The following RIMS2 variants were observed in gnomAD, a reference collection of about 807,000 sequenced individuals.
RIMS2 encodes regulating synaptic membrane exocytosis protein 2.
Under a neutral mutation model 174.4 loss-of-function variants are expected in RIMS2, and 59 were observed. The observed-to-expected ratio is 0.34, with a 90% confidence interval of 0.27 to 0.42. The LOEUF (loss-of-function observed/expected upper bound fraction) is 0.42, where lower values mean the gene tolerates loss of function less well. Ranked by LOEUF, RIMS2 falls within the 10% of genes least tolerant of loss-of-function variation. The probability of loss-of-function intolerance (pLI) is 1.00; values close to 1 mark genes in which losing one functional copy is unlikely to be tolerated. For missense variants in RIMS2, 1,620 were observed against 1,666.3 expected, an observed-to-expected ratio of 0.97 and a Z score of 0.48; for synonymous variants, 606 against 572.5, an observed-to-expected ratio of 1.06 and a Z score of -0.84.
intron 3 of RIMS2, among the ~76,000 whole-genome samples, chr8:103,881,920 A>C (rs1004554384): frequency 2.0e-5 from 3 of 151,494 alleles, no homozygotes; most frequent in African/African-American, 7.2e-5. Flanking sequence ...AGAAATAAGG[A>C]TAATAGAATG....
intron 16 of RIMS2, among the ~76,000 whole-genome samples, chr8:103,985,710 A>T (rs1030694445): frequency 3.9e-5 from 6 of 152,154 alleles, no homozygotes; most frequent in African/African-American, 1.4e-4. Flanking sequence ...AACAGAATTG[A>T]TATGGAATGA....
At chr8:104,056,480 AG>A (rs1283750097) in intron 19 of RIMS2, among the ~76,000 whole-genome samples, 3 of 152,182 alleles carry the variant, frequency 2.0e-5, no homozygotes, top group African/African-American at 7.2e-5. Flanking sequence ...TTATAGATGA[AG>A]AATTTTATGC....
intron 1 of RIMS2, among the ~76,000 whole-genome samples, chr8:103,565,405 G>A (rs1045076921): frequency 9.9e-5 from 15 of 151,992 alleles, no homozygotes; most frequent in Non-Finnish European, 2.2e-4. Flanking sequence ...CCTGGGATCA[G>A]GTGATCCTTC....
chr8:104,029,057 T>A (rs1219301777), intron 19 of RIMS2, among the ~76,000 whole-genome samples: 1 of 152,180 alleles, frequency 6.6e-6, no homozygotes, highest in Non-Finnish European at 1.5e-5. Context: ...GATTCTCCCC[T>A]TTTTAGACCA....
chr8:104,166,059 CTTTTTTTTTTT>C (rs560648211), intron 19 of RIMS2, among the ~76,000 whole-genome samples: 1 of 97,854 alleles, frequency 1.0e-5, no homozygotes, highest in Non-Finnish European at 2.0e-5. Context: ...TTTTGGATTT[CTTTTTTTTTTT>C]TTTTTTTTTT....
intron 19 of RIMS2, among the ~76,000 whole-genome samples, chr8:104,051,397 C>T (rs924921362): frequency 6.6e-6 from 1 of 151,888 alleles, no homozygotes; most frequent in African/African-American, 2.4e-5. Flanking sequence ...ATGGGAAGAA[C>T]ATAGTTATAG....
chr8:104,160,869 A>G (rs1586186325), intron 19 of RIMS2, among the ~76,000 whole-genome samples: 1 of 152,186 alleles, frequency 6.6e-6, no homozygotes, highest in South Asian at 2.1e-4. Context: ...TTGAGTAAAC[A>G]TAAAACAAGG....
intron 1 of RIMS2, among the ~76,000 whole-genome samples, chr8:103,694,478 G>A (rs149238768): frequency 6.6e-6 from 1 of 152,236 alleles, no homozygotes; most frequent in Middle Eastern, 3.4e-3. Context: ...GACTATGTGA[G>A]CCAGTATAAT....
chr8:104,158,229 G>A (rs866361339), intron 19 of RIMS2, among the ~76,000 whole-genome samples: 1 of 152,156 alleles, frequency 6.6e-6, no homozygotes, highest in South Asian at 2.1e-4. Context: ...ACATGAACTC[G>A]TCCTTTTTTA....
chr8:103,544,708 C>A (rs1479283936), intron 1 of RIMS2, among the ~76,000 whole-genome samples: 1 of 152,204 alleles, frequency 6.6e-6, no homozygotes, highest in Non-Finnish European at 1.5e-5. Context: ...ACTGTGGCCC[C>A]TGCCTGAGGG....
At chr8:103,646,050 T>TGG (rs201859453) in intron 1 of RIMS2, among the ~76,000 whole-genome samples, 9 of 151,944 alleles carry the variant, frequency 5.9e-5, no homozygotes, top group African/African-American at 2.2e-4. Context: ...TGGGCAGTTG[T>TGG]GGGGTTCACA....
At chr8:103,827,795 A>T (rs2098800824) in intron 3 of RIMS2, among the ~76,000 whole-genome samples, 1 of 152,064 alleles carries the variant, frequency 6.6e-6, no homozygotes, top group African/African-American at 2.4e-5. Flanking sequence ...AGATCGTGCC[A>T]CTGTACTCCA....
intron 19 of RIMS2, among the ~76,000 whole-genome samples, chr8:104,176,649 A>C (rs1015666282): frequency 9.2e-5 from 14 of 151,548 alleles, no homozygotes; most frequent in African/African-American, 2.2e-4. Flanking sequence ...TGATTCATAT[A>C]ATTATATATG....
At chr8:103,928,318 A>C (rs964150977) in intron 11 of RIMS2, among the ~76,000 whole-genome samples, 76 of 151,514 alleles carry the variant, frequency 5.0e-4, no homozygotes, top group African/African-American at 1.8e-3. Context: ...TAACTCCTTG[A>C]GGAGATTGGC....
At chr8:103,611,647 T>C (rs2095369972) in intron 1 of RIMS2, among the ~76,000 whole-genome samples, 1 of 152,028 alleles carries the variant, frequency 6.6e-6, no homozygotes, top group Non-Finnish European at 1.5e-5. Flanking sequence ...CCAGACATAT[T>C]GGAGCTACAT....
intron 3 of RIMS2, among the ~76,000 whole-genome samples, chr8:103,827,562 C>T (rs1406212964): frequency 2.6e-5 from 4 of 152,154 alleles, no homozygotes; most frequent in Admixed American, 6.5e-5. Flanking sequence ...ATGGGTTGGG[C>T]GCAGTGGCTC....
intron 1 of RIMS2, among the ~76,000 whole-genome samples, chr8:103,532,733 A>G (rs1156577616): frequency 6.6e-6 from 1 of 152,260 alleles, no homozygotes; most frequent in African/African-American, 2.4e-5. Flanking sequence ...GCAAATTGCA[A>G]TAATACAGTT....
At chr8:103,856,712 C>G (rs981421398) in intron 3 of RIMS2, among the ~76,000 whole-genome samples, 2 of 152,186 alleles carry the variant, frequency 1.3e-5, no homozygotes, top group Admixed American at 6.5e-5. Flanking sequence ...ATACTAGCTA[C>G]CATGAACATT....
chr8:103,560,405 A>C (rs1310805278), intron 1 of RIMS2, among the ~76,000 whole-genome samples: 2 of 152,124 alleles, frequency 1.3e-5, no homozygotes, highest in Non-Finnish European at 2.9e-5. Flanking sequence ...AAAATAGCTA[A>C]GTTTAGACTT....
Sources: gnomAD v4.1 joint callset for allele counts (sites outside exome capture counted in the v4.1 genomes callset) on GRCh38, gnomAD v4.1.1 for gene constraint, MANE v1.5 for transcripts, NCBI Gene and HGNC (gene_info 2026-07-23, HGNC 2026-07-21) for gene names.